DMD: variants seen among roughly 807,000 people sequenced by gnomAD.
DMD encodes the protein mutant dystrophin.
Under a neutral mutation model 330.1 loss-of-function variants are expected in DMD, and 63 were observed. The observed-to-expected ratio is 0.19, with a 90% CI of 0.16 to 0.24. The LOEUF (loss-of-function observed/expected upper bound fraction) is 0.24. DMD is among the 10% of genes least tolerant of loss of function. The pLI, the probability that DMD is intolerant of heterozygous loss-of-function variation, is 1.00. For missense variants in DMD, 3,344 were observed against 2,684.1 expected, an observed-to-expected ratio of 1.25 and a Z score of -5.43; for synonymous variants, 1,223 against 959.8, an observed-to-expected ratio of 1.27 and a Z score of -5.07.
intron 29 of DMD, among the ~76,000 whole-genome samples, chrX:32,420,179 G>A (rs2098183965): frequency 9.0e-6 from 1 of 111,597 alleles, no homozygotes; most frequent in South Asian, 3.8e-4. Context: ...CTGCACATGT[G>A]TTCATATTAT....
chrX:32,423,015 T>C (rs1220191689), intron 29 of DMD, among the ~76,000 whole-genome samples: 3 of 111,047 alleles, frequency 2.7e-5, no homozygotes, highest in Non-Finnish European at 5.7e-5. Context: ...ATTGACAAGT[T>C]TCATTAACAT....
At chrX:31,527,912 G>A (rs1295880242) in intron 55 of DMD, among the ~76,000 whole-genome samples, 4 of 111,319 alleles carry the variant, frequency 3.6e-5, no homozygotes, top group East Asian at 5.6e-4. Flanking sequence ...TGTGTCTAAC[G>A]TACCTAGAGT....
intron 11 of DMD, among the ~76,000 whole-genome samples, chrX:32,619,417 A>G (rs761984190): frequency 1.8e-5 from 2 of 111,533 alleles, no homozygotes; most frequent in East Asian, 5.7e-4. Flanking sequence ...TAATGAAAAT[A>G]TACTCTTGAA....
At chrX:33,290,731 A>G (rs1351688399) in intron 1 of DMD, among the ~76,000 whole-genome samples, 1 of 111,517 alleles carries the variant, frequency 9.0e-6, no homozygotes, top group Non-Finnish European at 1.9e-5. Context: ...TATAAGTGAA[A>G]GCTTTTGTTT....
At chrX:32,817,840 C>G (rs1281496166) in intron 5 of DMD, among the ~76,000 whole-genome samples, 3 of 111,939 alleles carry the variant, frequency 2.7e-5, no homozygotes, top group African/African-American at 9.7e-5. Context: ...ACTACTAAAT[C>G]TCATTTTAAC....
At position 33,009,215 on chromosome X, in the gene DMD, TATGTGCATATATGTGTATATATACAC is replaced by T. The variant is rs1259756662; in HGVS notation, c.93+10898_93+10923del. ...ATGTATATATGTGTATATATACACA[TATGTGCATATATGTGTATATATACAC>T]ATGTGCATATATGTGTATGTGTGTA... is the stretch of plus-strand genomic sequence containing the variant. On this transcript the variant is annotated intron_variant, in intron 2 of 78. Coordinates refer to ENST00000357033, the MANE Select transcript of DMD (RefSeq NM_004006.3). Among the ~76,000 whole-genome samples, 44 of 52,044 alleles carry T rather than the reference TATGTGCATATATGTGTATATATACAC, an allele frequency of 8.5e-4. 12 individuals carry two copies. Among genetic ancestry groups the T allele is most frequent in the African/African-American group, 2.8e-3 (39 of 13,731 alleles). 45.2% of individuals were successfully genotyped at this position (52,044 alleles called of 115,157 possible). A position where few individuals can be genotyped will look rare whatever the true frequency, so the allele number is the denominator to read the frequency against.
At chrX:32,204,321 G>A (rs2097054413) in intron 44 of DMD, among the ~76,000 whole-genome samples, 1 of 112,129 alleles carries the variant, frequency 8.9e-6, no homozygotes, top group African/African-American at 3.2e-5. Flanking sequence ...ATCTTGCTGG[G>A]AGTATTTCAA....
At position 32,847,053 on chromosome X, in the gene DMD, T is replaced by C. The variant is rs181879082; in HGVS notation, c.187-2193A>G. Reference sequence around the variant, plus strand: ...GAAAAACAGCAAATAACCAATCTTCTTGTGTATATATAGATTGACAGTATA... The same window carrying C: ...GAAAAACAGCAAATAACCAATCTTCCTGTGTATATATAGATTGACAGTATA... On this transcript the variant is annotated intron_variant, in intron 3 of 78. Coordinates refer to ENST00000357033, the MANE Select transcript of DMD (RefSeq NM_004006.3). Among the ~76,000 whole-genome samples, 1,102 of 111,570 alleles carry C rather than the reference T, an allele frequency of 9.9e-3. 13 individuals carry two copies. Among genetic ancestry groups the C allele is most frequent in the African/African-American group, 0.033 (1,026 of 30,748 alleles).
chrX:32,322,042 G>T (rs1052499629), intron 41 of DMD, among the ~76,000 whole-genome samples: 1 of 110,865 alleles, frequency 9.0e-6, no homozygotes, highest in Non-Finnish European at 1.9e-5. Flanking sequence ...ACCAGAAGAA[G>T]TATATCACAA....
At chrX:33,299,527 G>T (rs2053631747) in intron 1 of DMD, among the ~76,000 whole-genome samples, 1 of 111,616 alleles carries the variant, frequency 9.0e-6, no homozygotes, top group South Asian at 3.7e-4. Context: ...AAGGCCTAGT[G>T]AGGAAAGATG....
At chrX:31,713,270 C>T in intron 52 of DMD, among the ~76,000 whole-genome samples, 1 of 81,399 alleles carries the variant, frequency 1.2e-5, no homozygotes, top group East Asian at 3.9e-4. Flanking sequence ...TCCACAATTA[C>T]TTCAGTAGAC....
chrX:31,973,931 A>C (rs1370984208), intron 44 of DMD, among the ~76,000 whole-genome samples: 1 of 111,708 alleles, frequency 9.0e-6, no homozygotes, highest in Non-Finnish European at 1.9e-5. Flanking sequence ...CAGATCTTTT[A>C]TTAGTAATTT....
intron 53 of DMD, among the ~76,000 whole-genome samples, chrX:31,659,536 G>C (rs2080990181): frequency 9.4e-6 from 1 of 105,876 alleles, no homozygotes; most frequent in Non-Finnish European, 1.9e-5. Context: ...CTACTCGGGA[G>C]GCTGAGGCAG....
At chrX:33,114,354 C>G (rs375205707) in intron 1 of DMD, among the ~76,000 whole-genome samples, 2 of 110,520 alleles carry the variant, frequency 1.8e-5, no homozygotes, top group South Asian at 3.9e-4. Flanking sequence ...AGGTGATCCG[C>G]CTGCCTCAGA....
chrX:31,427,691 G>C (rs369858201), intron 60 of DMD, among the ~76,000 whole-genome samples: 1 of 111,782 alleles, frequency 8.9e-6, no homozygotes, highest in Admixed American at 9.6e-5. Context: ...CCCAGCTTGA[G>C]TGGTAGAGGT....
chrX:32,814,972 G>T (rs2077615550), intron 6 of DMD, among the ~76,000 whole-genome samples: 1 of 111,350 alleles, frequency 9.0e-6, no homozygotes, highest in African/African-American at 3.3e-5. Context: ...AATGAGCATT[G>T]ACTTAAAACA....
At chrX:31,973,167 G>A (rs767525035) in intron 44 of DMD, among the ~76,000 whole-genome samples, 1 of 110,588 alleles carries the variant, frequency 9.0e-6, no homozygotes, top group African/African-American at 3.3e-5. Context: ...TAGACTGAGG[G>A]ATTCCGTCTT....
At chrX:32,081,626 G>A (rs2096392070) in intron 44 of DMD, among the ~76,000 whole-genome samples, 1 of 111,504 alleles carries the variant, frequency 9.0e-6, no homozygotes, top group South Asian at 3.8e-4. Flanking sequence ...AGGCAGAAGT[G>A]GGTGGATCAC....
In DMD at chrX:31,347,137, T is replaced by C. The variant is rs1421087539; in HGVS notation, c.9163+1419A>G. On this transcript the variant is annotated intron_variant, in intron 61 of 78. Coordinates refer to ENST00000357033, the MANE Select transcript of DMD (RefSeq NM_004006.3). ...TTATTGATATATAATATTTTACATA[T>C]TTATGAGGTAATGTGATATTTTACT... 4.6e-5 allele frequency among the ~76,000 whole-genome samples: 5 copies of C among 109,328 alleles called. No homozygotes were observed. The East Asian group carries it at 1.4e-3, about 31-fold the overall frequency. The allele number at this position is 109,328 out of a possible 115,157, so 94.9% of individuals were successfully genotyped here.
Sources: gnomAD v4.1 joint callset for allele counts (sites outside exome capture counted in the v4.1 genomes callset) on GRCh38, gnomAD v4.1.1 for gene constraint, MANE v1.5 for transcripts, NCBI Gene and HGNC (gene_info 2026-07-23, HGNC 2026-07-21) for gene names.